Variants in USO1 observed in about 807,000 individuals in gnomAD.
USO1 encodes USO1 vesicle transport factor.
A neutral mutation model predicts 124.5 loss-of-function variants in USO1; 57 were observed. The observed-to-expected ratio is 0.46, with a 90% CI of 0.37 to 0.57. The LOEUF (loss-of-function observed/expected upper bound fraction) is 0.57, where lower values mean the gene tolerates loss of function less well. USO1 is among the 20% of genes least tolerant of loss of function. The pLI is 0.00. For missense variants in USO1, 900 were observed against 1,040.6 expected (o/e 0.86, Z 1.86); for synonymous variants, 369 against 362.8 (o/e 1.02, Z -0.19).
chr4:75,753,143 A>G (rs1040916353), intron 3 of USO1, among the ~76,000 whole-genome samples: 1 of 152,142 alleles, frequency 6.6e-6, no homozygotes, highest in East Asian at 1.9e-4. Context: ...AGATTGCCAG[A>G]TATGGTGGCT....
intron 21 of USO1, 93 bp downstream of exon 21, chr4:75,809,144 A>G (rs908496848): frequency 3.5e-6 from 5 of 1,423,058 alleles, no homozygotes; most frequent in Non-Finnish European, 4.6e-6. Context: ...AATTCATCAG[A>G]TAGCACCTTC....
chr4:75,765,562 C>CT (rs1194823296), intron 4 of USO1, among the ~76,000 whole-genome samples: 9 of 151,738 alleles, frequency 5.9e-5, no homozygotes, highest in Non-Finnish European at 1.2e-4. Context: ...TCACAGTCTC[C>CT]TTTTCCATCA....
chr4:75,728,792 T>A (rs1720539321), intron 1 of USO1, among the ~76,000 whole-genome samples: 1 of 152,118 alleles, frequency 6.6e-6, no homozygotes, highest in Non-Finnish European at 1.5e-5. Flanking sequence ...GTACTTTTGT[T>A]TTTGTTTTTG....
At chr4:75,802,664 TA>T (rs1158187400) in intron 17 of USO1, among the ~76,000 whole-genome samples, 2 of 151,882 alleles carry the variant, frequency 1.3e-5, no homozygotes, top group African/African-American at 4.8e-5. Context: ...AAAGCAATAT[TA>T]AGTAGATGCA....
chr4:75,732,983 G>A (rs959427460), intron 1 of USO1, among the ~76,000 whole-genome samples: 17 of 150,676 alleles, frequency 1.1e-4, no homozygotes, highest in Admixed American at 2.0e-4. Flanking sequence ...CTGTAGGGCC[G>A]GGTGCGGTGG....
rs1054667262 is a variant in USO1, at chr4:75,801,346, C to CA, written c.1986+147dup. On this transcript the variant is annotated intron_variant, in intron 17 of 23. Coordinates refer to ENST00000514213, the MANE Select transcript of USO1 (RefSeq NM_003715.4). ...TCAAAGCATCTGAGTATTCAACAAACAGAGTGCTTAATATGTGCTAAGCAC... is the reference window on the plus strand; with the variant it reads ...TCAAAGCATCTGAGTATTCAACAAACAAGAGTGCTTAATATGTGCTAAGCAC... The CA allele has an allele frequency of 4.1e-6, 4 of 968,318 alleles. No homozygotes were observed. The African/African-American group carries it at 6.6e-5, about 16-fold the overall frequency. The allele number at this position is 968,318 out of a possible 1,614,324, so 60.0% of individuals were successfully genotyped here. A position where few individuals can be genotyped will look rare whatever the true frequency, so the allele number is the denominator to read the frequency against.
At position 75,814,242 on chromosome 4, in the gene USO1, T is replaced by C. The variant is rs918558891; in HGVS notation, c.*947T>C. The C allele has an allele frequency of 2.0e-5, 3 of 152,208 alleles. No homozygotes were observed. The highest frequency in any genetic ancestry group is 1.3e-4 in the Admixed American group (2 of 15,278). 9.4% of individuals were successfully genotyped at this position (152,208 alleles called of 1,614,324 possible). A position where few individuals can be genotyped will look rare whatever the true frequency, so the allele number is the denominator to read the frequency against. ...TTGGTCATGGTTCCCTTTGTTTACATCTTAAAAGTATTTTATTCTTAATAA... is the reference window on the plus strand; with the variant it reads ...TTGGTCATGGTTCCCTTTGTTTACACCTTAAAAGTATTTTATTCTTAATAA... On this transcript the variant is annotated 3_prime_UTR_variant, in exon 24 of 24. Transcript: ENST00000514213.
chr4:75,753,368 AC>A (rs1721342898), intron 3 of USO1, among the ~76,000 whole-genome samples: 1 of 145,210 alleles, frequency 6.9e-6, no homozygotes, highest in Non-Finnish European at 1.5e-5. Context: ...CCCGGTCTCT[AC>A]TAAAAATAAC....
intron 13 of USO1, chr4:75,795,483 G>T: frequency 1.4e-5 from 9 of 645,786 alleles, no homozygotes; most frequent in South Asian, 1.4e-4. Flanking sequence ...ACACTTTTGC[G>T]TGTCAGCCAA....
At chr4:75,759,537 T>A (rs1314040034) in intron 4 of USO1, among the ~76,000 whole-genome samples, 2 of 148,906 alleles carry the variant, frequency 1.3e-5, no homozygotes, top group Non-Finnish European at 3.0e-5. Flanking sequence ...CAGGTTGGAG[T>A]GAGCCGAGAT....
At chr4:75,787,000 G>A (rs1722379965) in intron 9 of USO1, 62 bp from the exon 10 acceptor site, 1 of 1,485,626 alleles carries the variant, frequency 6.7e-7, no homozygotes, top group Non-Finnish European at 8.9e-7. Context: ...ACATAGATCA[G>A]ATTTGCCTCA....
At chr4:75,744,230 A>T (rs1355492481) in intron 1 of USO1, among the ~76,000 whole-genome samples, 2 of 152,144 alleles carry the variant, frequency 1.3e-5, no homozygotes, top group East Asian at 3.8e-4. Flanking sequence ...GTGTGGCAGC[A>T]CTCTAGTATT....
intron 1 of USO1, among the ~76,000 whole-genome samples, chr4:75,738,452 G>A (rs1034880491): frequency 2.7e-5 from 4 of 148,228 alleles, no homozygotes; most frequent in Non-Finnish European, 4.4e-5. Flanking sequence ...GTGAGACTTC[G>A]TCTCAAAAAA....
At chr4:75,767,986 C>G (rs1041189298) in intron 4 of USO1, among the ~76,000 whole-genome samples, 1 of 152,028 alleles carries the variant, frequency 6.6e-6, no homozygotes, top group African/African-American at 2.4e-5. Flanking sequence ...CAGTATATCT[C>G]TGTTTTTGCA....
chr4:75,755,566 G>A, intron 3 of USO1: 1 of 506,412 alleles, frequency 2.0e-6, no homozygotes, highest in Non-Finnish European at 3.9e-6. Context: ...GTTATGCCCA[G>A]CTGCTTGTCC....
chr4:75,743,236 C>G (rs910400636), intron 1 of USO1, among the ~76,000 whole-genome samples: 1 of 152,130 alleles, frequency 6.6e-6, no homozygotes, highest in South Asian at 2.1e-4. Context: ...CCACCCGTGT[C>G]GGCCTCCCAA....
At chr4:75,754,177 G>T (rs538369628) in intron 3 of USO1, among the ~76,000 whole-genome samples, 1 of 151,882 alleles carries the variant, frequency 6.6e-6, no homozygotes, top group African/African-American at 2.4e-5. Flanking sequence ...CTGCCTCCTG[G>T]GTTCAAGTGA....
intron 12 of USO1, among the ~76,000 whole-genome samples, chr4:75,791,514 ACT>A (rs1722533089): frequency 2.6e-5 from 4 of 152,224 alleles, no homozygotes; most frequent in Admixed American, 2.0e-4. Flanking sequence ...ACAGAGAGAG[ACT>A]GTGCCTCAAA....
chr4:75,733,386 CA>C (rs1426789429), intron 1 of USO1, among the ~76,000 whole-genome samples: 4 of 152,190 alleles, frequency 2.6e-5, no homozygotes, highest in Admixed American at 2.0e-4. Context: ...AGAGATATCC[CA>C]ACTGCTCTCT....
Sources: allele counts gnomAD v4.1 joint callset (sites outside exome capture counted in the v4.1 genomes callset), GRCh38; gene constraint gnomAD v4.1.1; transcripts MANE v1.5; gene names NCBI Gene and HGNC (gene_info 2026-07-23, HGNC 2026-07-21).